Variants in LRRIQ1 observed in about 807,000 individuals in gnomAD.
The protein encoded by LRRIQ1 is leucine-rich repeat- and IQ domain-containing protein 1.
In LRRIQ1, 210 loss-of-function variants were observed where a neutral mutation model predicts 211.9. The observed-to-expected ratio is 0.99, with a 90% CI of 0.89 to 1.11. The LOEUF is 1.11. Ranked by LOEUF, LRRIQ1 falls within the 50% of genes most tolerant of loss-of-function variation. The pLI, the probability that LRRIQ1 is intolerant of heterozygous loss-of-function variation, is 0.00. For missense variants in LRRIQ1, 2,136 were observed against 1,939.5 expected (o/e 1.10, Z -1.90); for synonymous variants, 699 against 650.1 (o/e 1.08, Z -1.14).
intron 26 of LRRIQ1, among the ~76,000 whole-genome samples, chr12:85,244,377 T>C (rs1490511449): frequency 6.6e-6 from 1 of 151,612 alleles, no homozygotes; most frequent in East Asian, 1.9e-4. Flanking sequence ...TTGATAAGAC[T>C]AATACATATA....
intron 24 of LRRIQ1, among the ~76,000 whole-genome samples, chr12:85,187,652 C>CA (rs1055479512): frequency 9.3e-5 from 14 of 149,776 alleles, no homozygotes; most frequent in African/African-American, 2.5e-4. Context: ...ACTAAAAATA[C>CA]AAAAAAAATA....
At position 85,242,711 on chromosome 12, in the gene LRRIQ1, A is replaced by G. The variant is rs184301478; in HGVS notation, c.5017-2078A>G. Among the ~76,000 whole-genome samples the G allele has an allele frequency of 2.9e-3, 440 of 152,058 alleles. 1 individual carries two copies. The highest frequency in any genetic ancestry group is 4.7e-3 in the Non-Finnish European group (317 of 67,864). ...AAATATTGTTGCATATCGCTGTGCC[A>G]GATTCACTGAAAGACATTTAACTAG... On this transcript the variant is annotated intron_variant, in intron 26 of 26. Transcript: ENST00000393217.
At chr12:85,144,075 C>A (rs1443332915) in intron 19 of LRRIQ1, among the ~76,000 whole-genome samples, 4 of 151,536 alleles carry the variant, frequency 2.6e-5, no homozygotes. Flanking sequence ...TGTCCTCCGC[C>A]CTCAAGTAGG....
chr12:85,244,095 CA>C (rs1177905351), intron 26 of LRRIQ1, among the ~76,000 whole-genome samples: 1 of 151,488 alleles, frequency 6.6e-6, no homozygotes, highest in African/African-American at 2.4e-5. Flanking sequence ...TGATATTCAA[CA>C]TTATGTACAA....
chr12:85,220,061 G>A (rs888821320), intron 24 of LRRIQ1, among the ~76,000 whole-genome samples: 1 of 152,076 alleles, frequency 6.6e-6, no homozygotes, highest in Non-Finnish European at 1.5e-5. Flanking sequence ...TTGCTTTATA[G>A]TGTAAATCAA....
Position 85,168,611 on chromosome 12 carries a change from GTGCCACT to G in LRRIQ1, c.4822+7899_4822+7905del, listed in dbSNP as rs1891265944. 2.6e-5 allele frequency among the ~76,000 whole-genome samples: 4 copies of G among 152,202 alleles called. No homozygotes were observed. In the South Asian group the frequency reaches 8.3e-4, roughly 32 times the overall value. On this transcript the variant is annotated intron_variant, in intron 24 of 26. Coordinates refer to ENST00000393217, the MANE Select transcript of LRRIQ1 (RefSeq NM_001079910.2). ...GGGTCACTAGGGGTGATGGTGAGTGGTGCCACTTCCAATTCCGCCCCTTAATTCCTGG... is the reference window on the plus strand; with the variant it reads ...GGGTCACTAGGGGTGATGGTGAGTGGTCCAATTCCGCCCCTTAATTCCTGG...
At chr12:85,154,160 A>T in intron 23 of LRRIQ1, 66 bp downstream of exon 23, 1 of 823,152 alleles carries the variant, frequency 1.2e-6, no homozygotes, top group South Asian at 2.5e-5. Flanking sequence ...TCTTTAAAAT[A>T]TATTTTATAA....
intron 24 of LRRIQ1, among the ~76,000 whole-genome samples, chr12:85,204,782 TAGG>T (rs1197889176): frequency 6.6e-6 from 1 of 152,286 alleles, no homozygotes; most frequent in Middle Eastern, 3.4e-3. Context: ...TACAGGCTCA[TAGG>T]AGAAGGGACT....
At chr12:85,162,829 C>A (rs1890958907) in intron 24 of LRRIQ1, 1 of 455,536 alleles carries the variant, frequency 2.2e-6, no homozygotes, top group African/African-American at 2.0e-5. Context: ...ATTAATTTCA[C>A]TGAATGAGTT....
chr12:85,072,580 A>G (rs1243487652), intron 10 of LRRIQ1, among the ~76,000 whole-genome samples: 1 of 150,818 alleles, frequency 6.6e-6, no homozygotes, highest in African/African-American at 2.4e-5. Context: ...TGTTTTGTGA[A>G]TGTTACTGCC....
At chr12:85,188,841 T>G (rs956473128) in intron 24 of LRRIQ1, among the ~76,000 whole-genome samples, 131 of 152,258 alleles carry the variant, frequency 8.6e-4, no homozygotes, top group East Asian at 5.8e-4. Context: ...CTTAAAGTTC[T>G]TTACTATCAC....
At chr12:85,237,571 A>T (rs1269190048) in intron 26 of LRRIQ1, among the ~76,000 whole-genome samples, 1 of 152,106 alleles carries the variant, frequency 6.6e-6, no homozygotes, top group African/African-American at 2.4e-5. Context: ...AACTGAAAAG[A>T]GACTCTAGAG....
At chr12:85,238,835 A>AT (rs1239301329) in intron 26 of LRRIQ1, among the ~76,000 whole-genome samples, 1 of 152,060 alleles carries the variant, frequency 6.6e-6, no homozygotes, top group Non-Finnish European at 1.5e-5. Context: ...AAACCATCTG[A>AT]TTTTCACAGA....
intron 1 of LRRIQ1, among the ~76,000 whole-genome samples, chr12:85,036,940 C>T (rs891718702): frequency 6.6e-6 from 1 of 152,042 alleles, no homozygotes; most frequent in Non-Finnish European, 1.5e-5. Context: ...TCCATGACTG[C>T]ACGTCATATA....
chr12:85,056,120 G>A lies in LRRIQ1; in HGVS notation c.1327G>A (p.Glu443Lys). The stretch of plus-strand genomic sequence containing the variant: ...GGAAGATGTTCTCCTTTGGCTAGTT[G>A]AGGAATCAAATATGAAAGAAAATGT... Reference protein sequence around the residue: ...KQEDVLLWLVEESNMKENVDR... With the variant: ...KQEDVLLWLVKESNMKENVDR... The change falls in exon 8 of 27, where the codon GAG becomes AAG. Residue 443 changes from glutamate (E) to lysine (K), a missense_variant. By Grantham distance (56) the Glu-to-Lys change is moderately conservative (BLOSUM62 1). Coordinates refer to ENST00000393217, the MANE Select transcript of LRRIQ1 (RefSeq NM_001079910.2). 1 of 1,599,512 alleles carries A rather than the reference G, an allele frequency of 6.3e-7. No individual in the cohort carries two copies. Among genetic ancestry groups the A allele is most frequent in the Non-Finnish European group, 8.5e-7 (1 of 1,175,982 alleles).
At position 85,244,911 on chromosome 12, in the gene LRRIQ1, T is replaced by G. The variant is rs1324048702; in HGVS notation, c.5139T>G (p.Ser1713Arg). The stretch of plus-strand genomic sequence containing the variant: ...ACAGACACTCAGCAGGATCTTCAAG[T>G]AAGTTGTGGTTTCCTTCAAAATTAA... ...QAHRHSAGSSSKLWFPSKLI is the reference protein window; with the variant it reads ...QAHRHSAGSSRKLWFPSKLI The change falls in exon 27 of 27, where the codon AGT becomes AGG. Residue 1713 changes from serine to arginine, a missense_variant. Coordinates refer to ENST00000393217, the MANE Select transcript of LRRIQ1 (RefSeq NM_001079910.2). 6.2e-7 allele frequency: 1 copy of G among 1,610,798 alleles called. No individual in the cohort carries two copies.
chr12:85,176,979 G>A (rs565805395), intron 24 of LRRIQ1, among the ~76,000 whole-genome samples: 12 of 152,040 alleles, frequency 7.9e-5, no homozygotes, highest in African/African-American at 2.4e-4. Context: ...CCAACTTGGA[G>A]TTATGTAAGA....
Position 85,244,806 on chromosome 12 carries a change from A to C in LRRIQ1, c.5034A>C (p.Arg1678Ser), listed in dbSNP as rs1895641491. ...GCTCCCAGGCAAGACTTGTAAGCAG[A>C]GAAGACACGGATTTAGACCTTTTTT... ...RVQLVARLVS[R>S]EDTDLDLFSM... The change falls in exon 27 of 27, where the codon AGA becomes AGC. Residue 1678 changes from arginine to serine, a missense_variant. By Grantham distance (110) the Arg-to-Ser change is moderately radical (BLOSUM62 -1). Coordinates refer to ENST00000393217, the MANE Select transcript of LRRIQ1 (RefSeq NM_001079910.2). The C allele has an allele frequency of 2.5e-6, 4 of 1,611,288 alleles. No individual in the cohort carries two copies. Among genetic ancestry groups the C allele is most frequent in the Non-Finnish European group, 3.4e-6 (4 of 1,178,150 alleles).
intron 11 of LRRIQ1, among the ~76,000 whole-genome samples, chr12:85,080,488 T>C (rs1403893656): frequency 6.6e-6 from 1 of 151,580 alleles, no homozygotes; most frequent in Non-Finnish European, 1.5e-5. Flanking sequence ...TATATGTATA[T>C]TTTTTATAAT....
Sources: allele counts gnomAD v4.1 joint callset (sites outside exome capture counted in the v4.1 genomes callset), GRCh38; gene constraint gnomAD v4.1.1; transcripts MANE v1.5; gene names NCBI Gene and HGNC (gene_info 2026-07-23, HGNC 2026-07-21).